The following FAM131B variants were observed in gnomAD, a reference collection of about 807,000 sequenced individuals.
FAM131B encodes family with sequence similarity 131 member B, also known as protein FAM131B.
Under a neutral mutation model 42.0 loss-of-function variants are expected in FAM131B, and 19 were observed. The ratio of observed to expected loss-of-function variants is 0.45; its 90% CI spans 0.32 to 0.66. The LOEUF (loss-of-function observed/expected upper bound fraction) is 0.66, where lower values mean the gene tolerates loss of function less well. Ranked by LOEUF, FAM131B falls within the 30% of genes least tolerant of loss-of-function variation. The pLI, the probability that FAM131B is intolerant of heterozygous loss-of-function variation, is 0.05. For synonymous variants in FAM131B, 183 were observed against 177.6 expected (o/e 1.03, Z -0.24); for missense variants, 370 against 468.4 (o/e 0.79, Z 1.94).
the FAM131B span, among the ~76,000 whole-genome samples, chr7:143,379,344 A>T: frequency 2.6e-5 from 4 of 152,248 alleles, no homozygotes; most frequent in Admixed American, 2.0e-4. Flanking sequence ...AGACAGGCCC[A>T]GGGCTGGCTT....
At chr7:143,381,189 C>T in the FAM131B span, 30 of 993,012 alleles carry the variant, frequency 3.0e-5, no homozygotes, top group Non-Finnish European at 3.5e-5. Context: ...GGGGGAGTTT[C>T]CTGCCTGGTC....
At chr7:143,357,524 A>G (rs1803726511) in intron 5 of FAM131B, 101 bp from the exon 6 acceptor site, 1 of 924,956 alleles carries the variant, frequency 1.1e-6, no homozygotes. Context: ...CAGTAGAAAT[A>G]TAATGCAAGC....
chr7:143,358,948 C>T lies in FAM131B; in HGVS notation c.345G>A (p.Glu115=). The T allele has an allele frequency of 4.3e-6, 7 of 1,614,158 alleles. No homozygotes were observed. Among genetic ancestry groups the T allele is most frequent in the Non-Finnish European group, 5.9e-6 (7 of 1,180,046 alleles). Reference sequence around the variant, plus strand: ...CTGGTGTCTTCCCCCAGCCCTGCCACTCAATCATGTGGGCCACCCGGCCTT... The same window carrying T: ...CTGGTGTCTTCCCCCAGCCCTGCCATTCAATCATGTGGGCCACCCGGCCTT... The part of the protein sequence containing the change: ...MGQGRVAHMI[E]WQGWGKTPAV... The change falls in exon 5 of 7, where the codon GAG becomes GAA. Residue 115 remains glutamate (E), a synonymous_variant. Coordinates refer to ENST00000443739, the MANE Select transcript of FAM131B (RefSeq NM_001031690.3). The surrounding 1 kb of genome is among the most constrained non-coding windows in gnomAD (Gnocchi z 4.7).
At position 143,353,868 on chromosome 7, in the gene FAM131B, C is replaced by CT. The variant is rs571972020; in HGVS notation, c.*2681_*2682insA. The CT allele has an allele frequency of 1.1e-5, 1 of 95,156 alleles. No individual in the cohort carries two copies. Among genetic ancestry groups the CT allele is most frequent in the South Asian group, 2.9e-4 (1 of 3,416 alleles). 5.9% of individuals were successfully genotyped at this position (95,156 alleles called of 1,614,324 possible). On this transcript the variant is annotated 3_prime_UTR_variant, in exon 7 of 7. Transcript: ENST00000443739. ...AAAGTCAATTGAAAATGAAAGTGCA[C>CT]CCCCCCTCCAAAAAAAGAAAATCAT...
chr7:143,357,058 G>T, intron 6 of FAM131B, 36 bp from the exon 7 acceptor site: 2 of 1,473,472 alleles, frequency 1.4e-6, no homozygotes, highest in South Asian at 1.1e-5. Flanking sequence ...TGGGGCCACA[G>T]AATGTCAAGG....
At chr7:143,360,343 A>C in intron 1 of FAM131B, 194 bp from the exon 2 acceptor site, 1 of 1,420,488 alleles carries the variant, frequency 7.0e-7, no homozygotes, top group Non-Finnish European at 9.2e-7. Context: ...AACCCAGAAT[A>C]GTGCACTCAG....
chr7:143,354,528 A>C lies in FAM131B; in HGVS notation c.*2022T>G, dbSNP rs1377500630. The C allele has an allele frequency of 2.0e-5, 3 of 152,232 alleles. No homozygotes were observed. Among genetic ancestry groups the C allele is most frequent in the Non-Finnish European group, 4.4e-5 (3 of 68,086 alleles). The allele number at this position is 152,232 out of a possible 1,614,324, so 9.4% of individuals were successfully genotyped here. ...CCCATGGAAGGAAGGTCACATGAAC[A>C]TGCAAAACCCCAGAGCCTGCAGCAG... On this transcript the variant is annotated 3_prime_UTR_variant, in exon 7 of 7. Transcript: ENST00000443739.
At chr7:143,364,404 C>T (rs979656703), upstream of FAM131B, among the ~76,000 whole-genome samples, 5 of 152,150 alleles carry the variant, frequency 3.3e-5, no homozygotes, top group Non-Finnish European at 7.4e-5. Flanking sequence ...GAACAGACCA[C>T]GTGGCCATTA....
chr7:143,369,154 C>T, the FAM131B span, among the ~76,000 whole-genome samples: 1 of 152,206 alleles, frequency 6.6e-6, no homozygotes, highest in Non-Finnish European at 1.5e-5. Flanking sequence ...CAGTCACACA[C>T]TTAGTAAGTG....
chr7:143,363,052 T>C (rs1298496214), upstream of FAM131B, among the ~76,000 whole-genome samples: 2 of 151,924 alleles, frequency 1.3e-5, no homozygotes, highest in Non-Finnish European at 2.9e-5. Context: ...GGTTGATGGA[T>C]TTTGCGGGCC....
chr7:143,381,843 G>T, the FAM131B span: 1 of 1,412,110 alleles, frequency 7.1e-7, no homozygotes, highest in Non-Finnish European at 9.4e-7. Context: ...GTCGTTTCGG[G>T]AATTTGGGGA....
upstream of FAM131B, among the ~76,000 whole-genome samples, chr7:143,364,705 C>T (rs540231005): frequency 1.4e-4 from 21 of 152,332 alleles, no homozygotes; most frequent in Admixed American, 9.1e-4. Context: ...TATTCCTGGC[C>T]AGCTTCCTTC....
At chr7:143,361,976 C>A (rs1024323410) in intron 1 of FAM131B, 6 of 895,734 alleles carry the variant, frequency 6.7e-6, no homozygotes, top group Non-Finnish European at 6.7e-6. Flanking sequence ...GGGCGTGGAA[C>A]CCGGGCTCAT....
chr7:143,381,219 C>T, the FAM131B span: 1 of 1,005,864 alleles, frequency 9.9e-7, no homozygotes. Flanking sequence ...CCGCTCTCCC[C>T]GCCCCCTCTC....
chr7:143,365,989 CAA>C (rs1804173378), upstream of FAM131B, among the ~76,000 whole-genome samples: 1 of 152,186 alleles, frequency 6.6e-6, no homozygotes, highest in African/African-American at 2.4e-5. Flanking sequence ...TGGCCTCAAG[CAA>C]TCTTCCTGCC....
chr7:143,356,947 G>T lies in FAM131B; in HGVS notation c.686C>A (p.Ser229Ter). Residue 229 changes from serine to a stop codon, truncating the protein, a stop_gained, in exon 7 of 7, where the codon TCA (serine) becomes TAA (stop). Transcript: ENST00000443739. LOFTEE classifies it high-confidence loss of function. This position sits in a 1 kb window ranked among gnomAD's most constrained non-coding sequence, Gnocchi z 4.4. ...VSQGMYCLGS[S>*]DAWEASDQSL... ...CTGATCGCTGGCTTCCCAGGCATCTGACGACCCCAGACAGTACATACCCTG... is the reference window on the plus strand; with the variant it reads ...CTGATCGCTGGCTTCCCAGGCATCTTACGACCCCAGACAGTACATACCCTG... 6.2e-7 allele frequency: 1 copy of T among 1,614,092 alleles called. No individual in the cohort carries two copies. The highest frequency in any genetic ancestry group is 1.1e-5 in the South Asian group (1 of 91,080).
chr7:143,374,332 CTCTT>C, the FAM131B span, among the ~76,000 whole-genome samples: 1 of 152,168 alleles, frequency 6.6e-6, no homozygotes, highest in Non-Finnish European at 1.5e-5. Flanking sequence ...CCTGTGATGT[CTCTT>C]TCTCCCTTTG....
At chr7:143,361,964 C>G (rs1356903885) in intron 1 of FAM131B, 1 of 807,400 alleles carries the variant, frequency 1.2e-6, no homozygotes, top group Non-Finnish European at 1.5e-6. Context: ...CCCTGTCCCT[C>G]CGGGCGTGGA....
chr7:143,360,388 A>T (rs1385859351), intron 1 of FAM131B: 3 of 1,376,464 alleles, frequency 2.2e-6, no homozygotes, highest in African/African-American at 1.5e-5. Context: ...GTTGTTGTTT[A>T]TGTGGAGGGG....
Sources: allele counts gnomAD v4.1 joint callset (sites outside exome capture counted in the v4.1 genomes callset), GRCh38; gene constraint gnomAD v4.1.1; non-coding constraint Gnocchi (gnomAD v3.1); transcripts MANE v1.5; gene names NCBI Gene and HGNC (gene_info 2026-07-23, HGNC 2026-07-21).